TTC28: variants seen among roughly 807,000 people sequenced by gnomAD.
TTC28 encodes the protein tetratricopeptide repeat protein 28.
Under a neutral mutation model 198.0 loss-of-function variants are expected in TTC28, and 61 were observed. The ratio of observed to expected loss-of-function variants is 0.31; its 90% CI spans 0.25 to 0.38. The LOEUF (loss-of-function observed/expected upper bound fraction) is 0.38, where lower values mean the gene tolerates loss of function less well. TTC28 is among the 10% of genes least tolerant of loss of function. TTC28 has a pLI of 1.00. For missense variants in TTC28, 2,678 were observed against 3,164.0 expected (o/e 0.85, Z 3.69); for synonymous variants, 1,171 against 1,297.8 (o/e 0.90, Z 2.10).
chr22:28,599,273 G>A (rs539736133), intron 2 of TTC28, among the ~76,000 whole-genome samples: 22 of 152,330 alleles, frequency 1.4e-4, no homozygotes, highest in Non-Finnish European at 2.8e-4. Context: ...AATGTAGGAA[G>A]GACGGTTTTA....
chr22:28,179,357 G>T (rs756341209), intron 5 of TTC28, among the ~76,000 whole-genome samples: 2 of 151,866 alleles, frequency 1.3e-5, no homozygotes, highest in Non-Finnish European at 2.9e-5. Context: ...TAGAGACAGG[G>T]TTTCACCATG....
intron 1 of TTC28, among the ~76,000 whole-genome samples, chr22:28,669,828 T>C (rs2051850136): frequency 6.6e-6 from 1 of 152,180 alleles, no homozygotes; most frequent in Admixed American, 6.5e-5. Context: ...AGTCTACAAA[T>C]CTTTATTCTA....
chr22:28,582,390 T>C (rs1163625289), intron 2 of TTC28, among the ~76,000 whole-genome samples: 1 of 152,190 alleles, frequency 6.6e-6, no homozygotes, highest in Non-Finnish European at 1.5e-5. Context: ...TGAAAATTCA[T>C]ATTTCTTTCA....
intron 1 of TTC28, among the ~76,000 whole-genome samples, chr22:28,678,227 ATTTAAGAGAC>A (rs1331076115): frequency 6.6e-6 from 1 of 152,154 alleles, no homozygotes; most frequent in East Asian, 1.9e-4. Flanking sequence ...TTATTTACTT[ATTTAAGAGAC>A]TGGGTTTCAT....
chr22:28,144,405 T>C lies in TTC28; in HGVS notation c.1441+18687A>G, dbSNP rs937618038. Among the ~76,000 whole-genome samples the C allele has an allele frequency of 2.0e-5, 3 of 152,220 alleles. No individual in the cohort carries two copies. In the East Asian group the frequency reaches 5.8e-4, roughly 29 times the overall value. On this transcript the variant is annotated intron_variant, in intron 6 of 22. Transcript: ENST00000397906. ...GAAAGCTATCAGGTATACCTTCAAG[T>C]TCTTTCAAAACTATAATTGGAGATA...
At chr22:28,567,406 A>T (rs1201051174) in intron 2 of TTC28, among the ~76,000 whole-genome samples, 16 of 143,440 alleles carry the variant, frequency 1.1e-4, no homozygotes, top group Admixed American at 5.0e-4. Flanking sequence ...AAAAGAAAAA[A>T]ATATATATAT....
rs1186870247 is a variant in TTC28, at chr22:27,981,605, TG to T, written c.*615del. 3.9e-5 allele frequency: 6 copies of T among 152,142 alleles called. No individual in the cohort carries two copies. Among genetic ancestry groups the T allele is most frequent in the Non-Finnish European group, 5.9e-5 (4 of 68,042 alleles). 9.4% of individuals were successfully genotyped at this position (152,142 alleles called of 1,614,324 possible). On this transcript the variant is annotated 3_prime_UTR_variant, in exon 23 of 23. Coordinates refer to ENST00000397906, the MANE Select transcript of TTC28 (RefSeq NM_001145418.2). Reference sequence around the variant, plus strand: ...AGAGCAGAGTTCAGAATGGAAGCGCTGTTTCAATGTGAATTATTGCATTGTT... The same window carrying T: ...AGAGCAGAGTTCAGAATGGAAGCGCTTTTCAATGTGAATTATTGCATTGTT...
At chr22:28,250,796 T>C (rs1243141417) in intron 5 of TTC28, among the ~76,000 whole-genome samples, 1 of 152,220 alleles carries the variant, frequency 6.6e-6, no homozygotes, top group South Asian at 2.1e-4. Flanking sequence ...ATGGATATAG[T>C]GGGCCAACTA....
chr22:28,183,261 C>T (rs1272696387), intron 5 of TTC28, among the ~76,000 whole-genome samples: 2 of 151,972 alleles, frequency 1.3e-5, no homozygotes, highest in East Asian at 1.9e-4. Context: ...GGTCTCACTA[C>T]GTTGCCCAGG....
At chr22:28,054,063 C>A (rs1240741118) in intron 12 of TTC28, among the ~76,000 whole-genome samples, 1 of 152,024 alleles carries the variant, frequency 6.6e-6, no homozygotes, top group Non-Finnish European at 1.5e-5. Flanking sequence ...GAATAACAAC[C>A]CCATATGGGG....
At chr22:27,990,863 T>C in intron 19 of TTC28, 51 bp from the exon 20 acceptor site, 1 of 1,504,132 alleles carries the variant, frequency 6.6e-7, no homozygotes, top group Non-Finnish European at 9.0e-7. Flanking sequence ...AAGAAGAGAG[T>C]TTAGACTCAA....
At chr22:28,521,216 T>C (rs1166264536) in intron 2 of TTC28, among the ~76,000 whole-genome samples, 5 of 150,044 alleles carry the variant, frequency 3.3e-5, no homozygotes, top group African/African-American at 9.9e-5. Context: ...CTGCACAACA[T>C]AGCAAGATCC....
At chr22:28,609,629 G>A (rs1158520299) in intron 2 of TTC28, among the ~76,000 whole-genome samples, 3 of 152,022 alleles carry the variant, frequency 2.0e-5, no homozygotes, top group Admixed American at 6.6e-5. Context: ...CCTGGGTTTC[G>A]AGCACAAAAC....
At chr22:28,275,582 A>G (rs973040386) in intron 5 of TTC28, among the ~76,000 whole-genome samples, 4 of 152,308 alleles carry the variant, frequency 2.6e-5, no homozygotes, top group Admixed American at 1.3e-4. Flanking sequence ...GTTTTAACTT[A>G]TAATTGTTTT....
chr22:28,349,181 GCACA>G lies in TTC28; in HGVS notation c.382-42542_382-42539del, dbSNP rs149420278. On this transcript the variant is annotated intron_variant, in intron 2 of 22. Coordinates refer to ENST00000397906, the MANE Select transcript of TTC28 (RefSeq NM_001145418.2). ...CAGTTACACACACATGCATGTGCAC[GCACA>G]CACACACACAGACATGTACACACCC... Among the ~76,000 whole-genome samples the G allele has an allele frequency of 3.2e-4, 49 of 151,084 alleles. 1 individual carries two copies. The highest frequency in any genetic ancestry group is 2.6e-4 in the Admixed American group (4 of 15,122).
intron 2 of TTC28, among the ~76,000 whole-genome samples, chr22:28,524,127 T>C (rs1482658884): frequency 2.6e-5 from 4 of 152,140 alleles, no homozygotes; most frequent in African/African-American, 9.7e-5. Context: ...TAATAGTCTG[T>C]TTGAATTTTT....
chr22:28,552,720 A>C (rs1489322333), intron 2 of TTC28, among the ~76,000 whole-genome samples: 1 of 151,760 alleles, frequency 6.6e-6, no homozygotes, highest in East Asian at 1.9e-4. Context: ...CCTTATACAA[A>C]AATCAATTCA....
chr22:28,555,196 G>C (rs1001540074), intron 2 of TTC28, among the ~76,000 whole-genome samples: 1 of 152,160 alleles, frequency 6.6e-6, no homozygotes, highest in African/African-American at 2.4e-5. Context: ...AAAAATAATA[G>C]ATGTTGGCAT....
chr22:28,589,330 C>T (rs1194245526), intron 2 of TTC28, among the ~76,000 whole-genome samples: 1 of 152,120 alleles, frequency 6.6e-6, no homozygotes, highest in Non-Finnish European at 1.5e-5. Context: ...AGTTCCACAT[C>T]GCCAAACTGA....
Sources: allele counts gnomAD v4.1 joint callset (sites outside exome capture counted in the v4.1 genomes callset), GRCh38; gene constraint gnomAD v4.1.1; transcripts MANE v1.5; gene names NCBI Gene and HGNC (gene_info 2026-07-23, HGNC 2026-07-21).